The following ZNF831 variants were observed in gnomAD, a reference collection of about 807,000 sequenced individuals.
ZNF831 encodes chromosome 20 open reading frame 174.
ZNF831 carries 59 observed loss-of-function variants against 95.8 expected under a neutral mutation model. The ratio of observed to expected loss-of-function variants is 0.62; its 90% CI spans 0.50 to 0.77. The LOEUF is 0.77. ZNF831 is among the 30% of genes least tolerant of loss of function. ZNF831 has a pLI of 0.00. For synonymous variants in ZNF831, 961 were observed against 925.5 expected (o/e 1.04, Z -0.70); for missense variants, 2,205 against 2,164.0 (o/e 1.02, Z -0.38).
chr20:59,168,624 T>C (rs1424927929), intron 1 of ZNF831, among the ~76,000 whole-genome samples: 1 of 152,150 alleles, frequency 6.6e-6, no homozygotes, highest in African/African-American at 2.4e-5. Flanking sequence ...CTTTCAGTCA[T>C]CTTCTGAATG....
At chr20:59,216,172 C>A (rs972670805) in intron 4 of ZNF831, among the ~76,000 whole-genome samples, 1 of 152,228 alleles carries the variant, frequency 6.6e-6, no homozygotes, top group African/African-American at 2.4e-5. Flanking sequence ...GAGCCATACC[C>A]CCTTTTTTTC....
chr20:59,171,974 G>A (rs185674622), intron 1 of ZNF831, among the ~76,000 whole-genome samples: 35 of 152,272 alleles, frequency 2.3e-4, no homozygotes, highest in African/African-American at 7.7e-4. Flanking sequence ...CTTTGAGAAG[G>A]CATAAAGAAA....
chr20:59,155,330 C>G (rs1402301781), intron 2 of ZNF831, among the ~76,000 whole-genome samples: 1 of 152,196 alleles, frequency 6.6e-6, no homozygotes, highest in Non-Finnish European at 1.5e-5. Flanking sequence ...GCAGGCAAGG[C>G]TGGGCACATG....
chr20:59,159,996 C>G (rs977907731), upstream of ZNF831: 1 of 152,342 alleles, frequency 6.6e-6, no homozygotes, highest in Non-Finnish European at 1.5e-5. Context: ...CTGTGCCAGG[C>G]CCTGTGCTGG....
chr20:59,184,115 A>G (rs1238607020), intron 1 of ZNF831, among the ~76,000 whole-genome samples: 1 of 152,198 alleles, frequency 6.6e-6, no homozygotes, highest in African/African-American at 2.4e-5. Flanking sequence ...TACAGTTGGA[A>G]CCACACAAGA....
chr20:59,257,575 G>A lies in ZNF831; in HGVS notation c.*2832G>A, dbSNP rs1988241387. ...TTGGGTTACTAAAAATAAAATGTCA[G>A]TATTATCAATTGATAACTACCACAG... On this transcript the variant is annotated 3_prime_UTR_variant, in exon 6 of 6. Coordinates refer to ENST00000371030, the MANE Select transcript of ZNF831 (RefSeq NM_178457.3). 6.6e-6 allele frequency: 1 copy of A among 152,124 alleles called. No homozygotes were observed. Among genetic ancestry groups the A allele is most frequent in the Non-Finnish European group, 1.5e-5 (1 of 68,030 alleles). 9.4% of individuals were successfully genotyped at this position (152,124 alleles called of 1,614,324 possible).
chr20:59,187,577 C>A (rs898008204), intron 1 of ZNF831, among the ~76,000 whole-genome samples: 1 of 152,026 alleles, frequency 6.6e-6, no homozygotes, highest in African/African-American at 2.4e-5. Flanking sequence ...AAATTGAGTA[C>A]CTTTGCTCAA....
At position 59,236,823 on chromosome 20, in the gene ZNF831, G is replaced by T. The variant is rs1249960841; in HGVS notation, c.4028-16155G>T. 2.6e-5 allele frequency among the ~76,000 whole-genome samples: 4 copies of T among 152,196 alleles called. No homozygotes were observed. The East Asian group carries it at 7.7e-4, about 29-fold the overall frequency. On this transcript the variant is annotated intron_variant, in intron 4 of 5. Transcript: ENST00000371030. ...TTTAATAATAAAAGCCAAAGTTTAT[G>T]CTCTTTTTCTCCCCCATCCCAGCTT... is the stretch of plus-strand genomic sequence containing the variant.
chr20:59,209,080 A>C (rs1985110387), intron 4 of ZNF831, among the ~76,000 whole-genome samples: 2 of 151,892 alleles, frequency 1.3e-5, no homozygotes, highest in African/African-American at 4.8e-5. Context: ...CCCACTGTCC[A>C]CCCCTTAGCT....
chr20:59,201,612 G>A (rs1260127614), intron 3 of ZNF831, among the ~76,000 whole-genome samples: 4 of 151,924 alleles, frequency 2.6e-5, no homozygotes, highest in African/African-American at 9.7e-5. Flanking sequence ...TTTATATTTA[G>A]GTCTATAATT....
intron 1 of ZNF831, among the ~76,000 whole-genome samples, chr20:59,170,162 T>C (rs183972708): frequency 5.9e-5 from 9 of 152,292 alleles, no homozygotes; most frequent in Admixed American, 4.6e-4. Context: ...TTTTTGTGGG[T>C]ACATAGTAGG....
intron 3 of ZNF831, among the ~76,000 whole-genome samples, chr20:59,201,155 T>A (rs1456800660): frequency 6.6e-6 from 1 of 152,130 alleles, no homozygotes; most frequent in Non-Finnish European, 1.5e-5. Context: ...GTATGGTAAT[T>A]TTTTTTAGTT....
rs574551002 is a variant in ZNF831, at chr20:59,210,114, A to G, written c.4027+3058A>G. Among the ~76,000 whole-genome samples the G allele has an allele frequency of 9.6e-4, 146 of 152,334 alleles. 1 individual carries two copies. The highest frequency in any genetic ancestry group is 4.8e-3 in the South Asian group (23 of 4,824). Reference sequence around the variant, plus strand: ...CTTAAAATGTGTTTGTAAACAAAAAAGGCAGGGACACACACGGACACTCAG... The same window carrying G: ...CTTAAAATGTGTTTGTAAACAAAAAGGGCAGGGACACACACGGACACTCAG... On this transcript the variant is annotated intron_variant, in intron 4 of 5. Coordinates refer to ENST00000371030, the MANE Select transcript of ZNF831 (RefSeq NM_178457.3).
intron 4 of ZNF831, among the ~76,000 whole-genome samples, chr20:59,238,517 G>A (rs1173647532): frequency 6.6e-6 from 1 of 152,208 alleles, no homozygotes. Flanking sequence ...GACCAGAGGA[G>A]AGGAGCAGCC....
chr20:59,185,812 A>G (rs964576770), intron 1 of ZNF831, among the ~76,000 whole-genome samples: 3 of 152,092 alleles, frequency 2.0e-5, no homozygotes, highest in Non-Finnish European at 2.9e-5. Context: ...ACCCATGACC[A>G]TTATAACCGG....
intron 4 of ZNF831, among the ~76,000 whole-genome samples, chr20:59,237,459 G>C (rs1987062996): frequency 6.6e-6 from 1 of 152,094 alleles, no homozygotes; most frequent in African/African-American, 2.4e-5. Context: ...CGATTCTCCT[G>C]CCTCAGCCTC....
chr20:59,198,321 C>G (rs1324125183), intron 3 of ZNF831, among the ~76,000 whole-genome samples: 3 of 152,220 alleles, frequency 2.0e-5, no homozygotes, highest in Non-Finnish European at 4.4e-5. Flanking sequence ...TCATAAAAAT[C>G]TGGATTTCTA....
chr20:59,153,522 T>C (rs1426691199), intron 2 of ZNF831, among the ~76,000 whole-genome samples: 1 of 152,222 alleles, frequency 6.6e-6, no homozygotes, highest in African/African-American at 2.4e-5. Context: ...TGCTGGAAGC[T>C]GCCCTGGCAG....
chr20:59,216,652 G>T (rs1261974771), intron 4 of ZNF831, among the ~76,000 whole-genome samples: 2 of 152,212 alleles, frequency 1.3e-5, no homozygotes, highest in Non-Finnish European at 2.9e-5. Flanking sequence ...CACATGTGCA[G>T]TGGGGGCTCA....
Sources: allele counts gnomAD v4.1 joint callset (sites outside exome capture counted in the v4.1 genomes callset), GRCh38; gene constraint gnomAD v4.1.1; transcripts MANE v1.5; gene names NCBI Gene and HGNC (gene_info 2026-07-23, HGNC 2026-07-21).